CSMD3: variants seen among roughly 807,000 people sequenced by gnomAD.
CSMD3 encodes CUB and sushi domain-containing protein 3.
A neutral mutation model predicts 435.2 loss-of-function variants in CSMD3; 177 were observed. The ratio of observed to expected loss-of-function variants is 0.41; its 90% CI spans 0.36 to 0.46. CSMD3 has a LOEUF of 0.46. Among genes scored for constraint, CSMD3 ranks in the 20% least tolerant of loss-of-function variants. CSMD3 has a pLI of 0.34. For missense variants in CSMD3, 4,265 were observed against 4,504.6 expected, an observed-to-expected ratio of 0.95 and a Z score of 1.52; for synonymous variants, 1,656 against 1,520.5, an observed-to-expected ratio of 1.09 and a Z score of -2.07.
At chr8:112,377,420 A>C (rs1008847752) in intron 38 of CSMD3, among the ~76,000 whole-genome samples, 11 of 152,168 alleles carry the variant, frequency 7.2e-5, no homozygotes, top group Non-Finnish European at 1.3e-4. Flanking sequence ...TCTACCTTAC[A>C]CTTAAAGAAT....
At chr8:112,982,833 TTAA>T (rs1006119158) in intron 6 of CSMD3, among the ~76,000 whole-genome samples, 6 of 152,118 alleles carry the variant, frequency 3.9e-5, no homozygotes, top group Non-Finnish European at 7.4e-5. Context: ...TAATTAATAC[TTAA>T]TGATGGCAAA....
At chr8:112,385,572 C>G (rs922942979) in intron 36 of CSMD3, among the ~76,000 whole-genome samples, 2 of 152,004 alleles carry the variant, frequency 1.3e-5, no homozygotes, top group African/African-American at 4.8e-5. Context: ...ATTTCAATAT[C>G]TATTTCAGTA....
intron 53 of CSMD3, among the ~76,000 whole-genome samples, chr8:112,300,892 C>T (rs983736327): frequency 7.2e-5 from 11 of 152,200 alleles, no homozygotes; most frequent in African/African-American, 2.4e-4. Flanking sequence ...AACTTTTCTG[C>T]CATGTGTCAT....
intron 2 of CSMD3, among the ~76,000 whole-genome samples, chr8:113,296,640 A>C (rs1172428116): frequency 6.6e-6 from 1 of 152,224 alleles, no homozygotes; most frequent in Non-Finnish European, 1.5e-5. Context: ...TTTCATGAGA[A>C]GAACAATAGA....
intron 66 of CSMD3, among the ~76,000 whole-genome samples, chr8:112,239,139 C>T (rs1586493306): frequency 6.6e-6 from 1 of 152,068 alleles, no homozygotes; most frequent in East Asian, 1.9e-4. Flanking sequence ...TTGTTTCTGT[C>T]TCTCCCTTCT....
chr8:113,048,573 AAG>A (rs2087943742), intron 5 of CSMD3, among the ~76,000 whole-genome samples: 1 of 152,214 alleles, frequency 6.6e-6, no homozygotes, highest in Non-Finnish European at 1.5e-5. Flanking sequence ...TAGATTAAAA[AAG>A]AAAGATTACA....
intron 5 of CSMD3, among the ~76,000 whole-genome samples, chr8:113,051,258 C>T (rs987730348): frequency 6.6e-5 from 10 of 152,004 alleles, no homozygotes; most frequent in Non-Finnish European, 1.5e-4. Flanking sequence ...CTACTGCTTC[C>T]AGTGAGAACA....
chr8:112,625,974 A>C (rs915231232), intron 22 of CSMD3, among the ~76,000 whole-genome samples: 6 of 152,104 alleles, frequency 3.9e-5, no homozygotes, highest in African/African-American at 1.2e-4. Flanking sequence ...GATTTAATTT[A>C]TGATGCCTAT....
intron 9 of CSMD3, among the ~76,000 whole-genome samples, chr8:112,923,017 T>C (rs1387078879): frequency 6.6e-6 from 1 of 152,138 alleles, no homozygotes; most frequent in Non-Finnish European, 1.5e-5. Flanking sequence ...TTAACTCATC[T>C]TTCTGTCTTG....
At chr8:113,128,342 T>C (rs1224763339) in intron 4 of CSMD3, among the ~76,000 whole-genome samples, 3 of 152,030 alleles carry the variant, frequency 2.0e-5, no homozygotes, top group Non-Finnish European at 4.4e-5. Context: ...TTTATAGTTT[T>C]CTGCTTACCT....
chr8:112,657,046 T>G (rs999899737), intron 17 of CSMD3, among the ~76,000 whole-genome samples: 40 of 149,786 alleles, frequency 2.7e-4, no homozygotes, highest in Admixed American at 1.7e-3. Context: ...CCTTAAAAAC[T>G]TTTTTTTCTT....
At position 112,223,205 on chromosome 8, in the gene CSMD3, G is replaced by A. The variant is rs1264518384; in HGVS notation, c.*1566C>T. 2.5e-6 allele frequency: 1 copy of A among 393,292 alleles called. No individual in the cohort carries two copies. The highest frequency in any genetic ancestry group is 4.5e-6 in the Non-Finnish European group (1 of 222,480). 24.4% of individuals were successfully genotyped at this position (393,292 alleles called of 1,614,324 possible). A position where few individuals can be genotyped will look rare whatever the true frequency, so the allele number is the denominator to read the frequency against. Reference sequence around the variant, plus strand: ...AATTTAAAACTGCATCCTGCCAGTAGAGTACCATGTTGAGAAAATTGTATG... The same window carrying A: ...AATTTAAAACTGCATCCTGCCAGTAAAGTACCATGTTGAGAAAATTGTATG... On this transcript the variant is annotated 3_prime_UTR_variant, in exon 71 of 71. Coordinates refer to ENST00000297405, the MANE Select transcript of CSMD3 (RefSeq NM_198123.2).
chr8:112,732,710 A>AAG, intron 13 of CSMD3, among the ~76,000 whole-genome samples: 1 of 151,738 alleles, frequency 6.6e-6, no homozygotes, highest in African/African-American at 2.4e-5. Flanking sequence ...AAAAAAAAAA[A>AAG]AAAAAAGAAA....
rs1439544983 is a variant in CSMD3 at position 112,405,213 on chromosome 8, C to CATATATATATA, written c.5809+1310_5809+1311insTATATATATAT. On this transcript the variant is annotated intron_variant, in intron 35 of 70. Coordinates refer to ENST00000297405, the MANE Select transcript of CSMD3 (RefSeq NM_198123.2). ...AAAAAAAAAAAAAAAAAAAAAACCC[C>CATATATATATA]CATATATATATATATATATATATAT... 6.1e-3 allele frequency among the ~76,000 whole-genome samples: 109 copies of CATATATATATA among 17,854 alleles called. 2 individuals are homozygous for CATATATATATA. The highest frequency in any genetic ancestry group is 8.3e-3 in the Non-Finnish European group (90 of 10,806). 11.7% of individuals were successfully genotyped at this position (17,854 alleles called of 152,430 possible). A position where few individuals can be genotyped will look rare whatever the true frequency, so the allele number is the denominator to read the frequency against.
intron 22 of CSMD3, among the ~76,000 whole-genome samples, chr8:112,621,730 A>G (rs761034884): frequency 2.6e-5 from 4 of 151,966 alleles, no homozygotes; most frequent in African/African-American, 4.8e-5. Flanking sequence ...GCTCTTTTAT[A>G]TCTCCCAGAT....
chr8:112,870,040 A>G (rs1320423853), intron 10 of CSMD3, among the ~76,000 whole-genome samples: 1 of 152,194 alleles, frequency 6.6e-6, no homozygotes, highest in African/African-American at 2.4e-5. Context: ...CAGAACTTAA[A>G]AATTTTAAAA....
chr8:113,399,615 A>C (rs1255912673), intron 1 of CSMD3, among the ~76,000 whole-genome samples: 1 of 152,130 alleles, frequency 6.6e-6, no homozygotes, highest in African/African-American at 2.4e-5. Flanking sequence ...ATAAAAAAAT[A>C]GAATAGCAGC....
chr8:112,899,084 TAC>T (rs1395406827), intron 10 of CSMD3, among the ~76,000 whole-genome samples: 1 of 151,252 alleles, frequency 6.6e-6, no homozygotes, highest in Non-Finnish European at 1.5e-5. Context: ...CTCGGACATG[TAC>T]ACCATGAAAT....
intron 13 of CSMD3, among the ~76,000 whole-genome samples, chr8:112,763,032 G>T (rs1035910529): frequency 6.6e-6 from 1 of 151,632 alleles, no homozygotes; most frequent in South Asian, 2.1e-4. Flanking sequence ...AAAATGCTAC[G>T]AGAGTAGATT....
Sources: allele counts gnomAD v4.1 joint callset (sites outside exome capture counted in the v4.1 genomes callset), GRCh38; gene constraint gnomAD v4.1.1; transcripts MANE v1.5; gene names NCBI Gene and HGNC (gene_info 2026-07-23, HGNC 2026-07-21).